The following TMTC2 variants were observed in gnomAD, a reference collection of about 807,000 sequenced individuals.
The protein encoded by TMTC2 is transmembrane O-mannosyltransferase targeting cadherins 2.
Under a neutral mutation model 82.4 loss-of-function variants are expected in TMTC2, and 43 were observed. The ratio of observed to expected loss-of-function variants is 0.52; its 90% CI spans 0.41 to 0.67. The LOEUF (loss-of-function observed/expected upper bound fraction) is 0.67, where lower values mean the gene tolerates loss of function less well. Ranked by LOEUF, TMTC2 falls within the 30% of genes least tolerant of loss-of-function variation. The pLI, the probability that TMTC2 is intolerant of heterozygous loss-of-function variation, is 0.00. For missense variants in TMTC2, 919 were observed against 1,012.4 expected, an observed-to-expected ratio of 0.91 and a Z score of 1.25; for synonymous variants, 408 against 381.9, an observed-to-expected ratio of 1.07 and a Z score of -0.80.
chr12:83,093,718 G>A (rs376595853), intron 11 of TMTC2, among the ~76,000 whole-genome samples: 50 of 152,298 alleles, frequency 3.3e-4, no homozygotes, highest in African/African-American at 1.2e-3. Context: ...AAATCCAACA[G>A]TAGAGAGAAG....
chr12:83,068,521 T>C (rs771464200), intron 11 of TMTC2, among the ~76,000 whole-genome samples: 6 of 152,072 alleles, frequency 3.9e-5, no homozygotes, highest in South Asian at 2.1e-4. Context: ...CCCAAAACTT[T>C]CCACAAGCTT....
intron 1 of TMTC2, among the ~76,000 whole-genome samples, chr12:82,716,968 G>A (rs1250865971): frequency 6.6e-6 from 1 of 152,034 alleles, no homozygotes; most frequent in East Asian, 1.9e-4. Flanking sequence ...ATACTTACCT[G>A]GTCCTGTAGA....
intron 11 of TMTC2, among the ~76,000 whole-genome samples, chr12:83,118,026 G>T (rs939248082): frequency 1.4e-4 from 21 of 152,108 alleles, no homozygotes; most frequent in African/African-American, 5.1e-4. Context: ...TTTGTATCCA[G>T]AAACTTTGCT....
chr12:83,043,874 A>G (rs751833249), intron 9 of TMTC2, among the ~76,000 whole-genome samples: 23 of 152,244 alleles, frequency 1.5e-4, no homozygotes, highest in Admixed American at 4.6e-4. Flanking sequence ...TTATTTCACA[A>G]TACAATAGCA....
chr12:82,969,140 C>G (rs938298312), intron 7 of TMTC2, among the ~76,000 whole-genome samples: 1 of 152,040 alleles, frequency 6.6e-6, no homozygotes, highest in Non-Finnish European at 1.5e-5. Context: ...AAAAAATGAC[C>G]CAGGAGATAA....
intron 1 of TMTC2, among the ~76,000 whole-genome samples, chr12:82,852,193 C>T (rs1279949497): frequency 6.6e-6 from 1 of 151,710 alleles, no homozygotes; most frequent in African/African-American, 2.4e-5. Flanking sequence ...GCTCCGCCTC[C>T]CGGGTTCACA....
chr12:82,882,908 T>C (rs1028338964), intron 2 of TMTC2, among the ~76,000 whole-genome samples: 1 of 151,872 alleles, frequency 6.6e-6, no homozygotes, highest in Non-Finnish European at 1.5e-5. Context: ...GTACAAAAAT[T>C]AGCTGGGCGT....
chr12:83,030,676 A>AT (rs559604874), intron 8 of TMTC2, 122 bp from the exon 9 acceptor site: 462 of 591,610 alleles, frequency 7.8e-4, no homozygotes, highest in Non-Finnish European at 9.1e-4. Context: ...AAAAACAAAA[A>AT]TTTTTTTTTT....
At chr12:83,112,928 C>T (rs376312729) in intron 11 of TMTC2, among the ~76,000 whole-genome samples, 1 of 152,018 alleles carries the variant, frequency 6.6e-6, no homozygotes, top group Non-Finnish European at 1.5e-5. Context: ...CATTATGATC[C>T]CCCAACTTGG....
intron 11 of TMTC2, among the ~76,000 whole-genome samples, chr12:83,083,706 T>C (rs1883552881): frequency 2.0e-5 from 3 of 152,168 alleles, no homozygotes; most frequent in African/African-American, 7.2e-5. Flanking sequence ...CAGCACTGAG[T>C]GTGGTTCTAA....
At chr12:82,940,375 G>A (rs1876646103) in intron 4 of TMTC2, among the ~76,000 whole-genome samples, 1 of 151,572 alleles carries the variant, frequency 6.6e-6, no homozygotes. Flanking sequence ...TTTTGTATTT[G>A]GTTCTCAAAG....
chr12:82,729,886 G>A (rs1255134334), intron 1 of TMTC2, among the ~76,000 whole-genome samples: 1 of 151,990 alleles, frequency 6.6e-6, no homozygotes, highest in Non-Finnish European at 1.5e-5. Context: ...CTTCACTCCT[G>A]AAGCCAGCAA....
chr12:83,054,628 A>T (rs1036318333), intron 10 of TMTC2, among the ~76,000 whole-genome samples: 4 of 150,642 alleles, frequency 2.7e-5, no homozygotes, highest in Non-Finnish European at 3.0e-5. Context: ...TATACATATG[A>T]TAGTTTTATT....
Position 83,032,167 on chromosome 12 carries a change from A to G in TMTC2, c.2152+1288A>G, listed in dbSNP as rs115298741. Among the ~76,000 whole-genome samples, 592 of 149,280 alleles carry G rather than the reference A, an allele frequency of 4.0e-3. 1 individual carries two copies. The highest frequency in any genetic ancestry group is 0.014 in the African/African-American group (560 of 40,524). On this transcript the variant is annotated intron_variant, in intron 9 of 11. Transcript: ENST00000321196. The stretch of plus-strand genomic sequence containing the variant: ...ATAAAATAGGAGGTTTTTTTTTCCC[A>G]CTATCTGCTGTCTGCATTTCATTTG...
At chr12:82,988,887 G>A (rs941705196) in intron 8 of TMTC2, among the ~76,000 whole-genome samples, 1 of 146,942 alleles carries the variant, frequency 6.8e-6, no homozygotes, top group African/African-American at 2.5e-5. Context: ...TTAGGAATTC[G>A]ATTCAGCTTT....
chr12:83,023,995 C>T (rs779545341), intron 8 of TMTC2, among the ~76,000 whole-genome samples: 63 of 152,156 alleles, frequency 4.1e-4, no homozygotes, highest in African/African-American at 1.3e-3. Flanking sequence ...TAGCTTTATT[C>T]TGTCATTTCT....
At chr12:82,966,780 T>C (rs1878231874) in intron 6 of TMTC2, 139 bp from the exon 7 acceptor site, 1 of 559,994 alleles carries the variant, frequency 1.8e-6, no homozygotes, top group South Asian at 2.6e-5. Flanking sequence ...AAAGGACAGT[T>C]CAATTATTTT....
intron 1 of TMTC2, among the ~76,000 whole-genome samples, chr12:82,795,388 T>C (rs1179715766): frequency 6.6e-6 from 1 of 151,836 alleles, no homozygotes; most frequent in Non-Finnish European, 1.5e-5. Flanking sequence ...ATATCCACTA[T>C]AGAAAACTCT....
chr12:82,720,786 A>T lies in TMTC2; in HGVS notation c.83+33117A>T, dbSNP rs545269985. Reference sequence around the variant, plus strand: ...TATCTCGTTGTTTTATGTTTTCTTGATGATTAGTACTTTTGAACGTCTTTT... The same window carrying T: ...TATCTCGTTGTTTTATGTTTTCTTGTTGATTAGTACTTTTGAACGTCTTTT... On this transcript the variant is annotated intron_variant, in intron 1 of 11. Coordinates refer to ENST00000321196, the MANE Select transcript of TMTC2 (RefSeq NM_152588.3). 1.1e-4 allele frequency among the ~76,000 whole-genome samples: 16 copies of T among 152,234 alleles called. 1 individual carries two copies. In the South Asian group the frequency reaches 3.1e-3, roughly 30 times the overall value.
Sources: gnomAD v4.1 joint callset for allele counts (sites outside exome capture counted in the v4.1 genomes callset) on GRCh38, gnomAD v4.1.1 for gene constraint, MANE v1.5 for transcripts, NCBI Gene and HGNC (gene_info 2026-07-23, HGNC 2026-07-21) for gene names.